The following SLC8A1 variants were observed in gnomAD, a reference collection of about 807,000 sequenced individuals.
SLC8A1 encodes solute carrier family 8 member A1.
In SLC8A1, 18 loss-of-function variants were observed where a neutral mutation model predicts 68.3. The ratio of observed to expected loss-of-function variants is 0.26; its 90% confidence interval spans 0.18 to 0.39. The LOEUF (loss-of-function observed/expected upper bound fraction) is 0.39, where lower values mean the gene tolerates loss of function less well. Among genes scored for constraint, SLC8A1 ranks in the 10% least tolerant of loss-of-function variants. SLC8A1 has a pLI of 1.00. For missense variants in SLC8A1, 985 were observed against 1,156.7 expected, an observed-to-expected ratio of 0.85 and a Z score of 2.15; for synonymous variants, 475 against 415.5, an observed-to-expected ratio of 1.14 and a Z score of -1.74.
At chr2:40,175,374 A>G in intron 3 of SLC8A1, 93 bp from the exon 4 acceptor site, 1 of 1,300,234 alleles carries the variant, frequency 7.7e-7, no homozygotes, top group Non-Finnish European at 1.1e-6. Flanking sequence ...ATCCAGGCAG[A>G]TCTGATTACA....
rs566014598 is a variant in SLC8A1, at chr2:40,165,437, G to A, written c.1931-453C>T. Among the ~76,000 whole-genome samples the A allele has an allele frequency of 2.0e-5, 3 of 152,248 alleles. No individual in the cohort carries two copies. In the East Asian group the frequency reaches 5.8e-4, roughly 30 times the overall value. On this transcript the variant is annotated intron_variant, in intron 4 of 7. Coordinates refer to ENST00000406785, the Ensembl canonical transcript of SLC8A1. ...CTGGCCTCTTCCTCTTCACTTTCTA[G>A]GGGCAACAGAAAATGCCTGAGGCCC...
chr2:40,255,713 C>T (rs1291407771), intron 2 of SLC8A1, among the ~76,000 whole-genome samples: 1 of 152,184 alleles, frequency 6.6e-6, no homozygotes, highest in Non-Finnish European at 1.5e-5. Flanking sequence ...AGGGTATCTC[C>T]TCTGCCTTAA....
intron 2 of SLC8A1, chr2:40,251,525 GTAAATCACCTGTAAA>G (rs2062746615): frequency 6.6e-6 from 1 of 152,206 alleles, no homozygotes; most frequent in Non-Finnish European, 1.5e-5. Flanking sequence ...TCACATCTTA[GTAAATCACCTGTAAA>G]TAAAGCTTGT....
intron 2 of SLC8A1, among the ~76,000 whole-genome samples, chr2:40,389,914 T>G (rs951873523): frequency 1.3e-5 from 2 of 151,158 alleles, no homozygotes; most frequent in Non-Finnish European, 2.9e-5. Flanking sequence ...ATAAAATATT[T>G]TCTTCCAATT....
At chr2:40,282,038 C>A in intron 2 of SLC8A1, among the ~76,000 whole-genome samples, 1 of 152,264 alleles carries the variant, frequency 6.6e-6, no homozygotes, top group South Asian at 2.1e-4. Context: ...CACAGCTCCC[C>A]CACACAAGAG....
intron 1 of SLC8A1, among the ~76,000 whole-genome samples, chr2:40,505,234 T>C (rs1204783619): frequency 6.6e-6 from 1 of 151,836 alleles, no homozygotes; most frequent in East Asian, 1.9e-4. Flanking sequence ...GGCTAATGGG[T>C]ACAAAAATAG....
intron 2 of SLC8A1, among the ~76,000 whole-genome samples, chr2:40,279,768 T>TAAA: frequency 6.6e-6 from 1 of 152,222 alleles, no homozygotes; most frequent in Non-Finnish European, 1.5e-5. Context: ...GAAAAGTTGG[T>TAAA]ACATTCTGTT....
intron 7 of SLC8A1, among the ~76,000 whole-genome samples, chr2:40,136,378 A>G (rs557593840): frequency 3.5e-4 from 53 of 152,342 alleles, no homozygotes; most frequent in African/African-American, 1.2e-3. Flanking sequence ...GCTTTTCCCC[A>G]TACATTTTGA....
intron 2 of SLC8A1, among the ~76,000 whole-genome samples, chr2:40,202,091 G>A (rs1023309712): frequency 6.6e-6 from 1 of 152,014 alleles, no homozygotes; most frequent in Non-Finnish European, 1.5e-5. Context: ...CTTAGAGGAT[G>A]TGTTTCCAAA....
At chr2:40,446,987 C>T (rs774090646) in intron 1 of SLC8A1, among the ~76,000 whole-genome samples, 2 of 152,184 alleles carry the variant, frequency 1.3e-5, no homozygotes, top group Admixed American at 6.5e-5. Context: ...TGAATCACTA[C>T]CTTGTTTGAC....
At chr2:40,391,894 G>A (rs889846614) in intron 2 of SLC8A1, among the ~76,000 whole-genome samples, 3 of 151,958 alleles carry the variant, frequency 2.0e-5, no homozygotes, top group Non-Finnish European at 4.4e-5. Context: ...TACCAATATC[G>A]CCCCACTGAC....
intron 2 of SLC8A1, among the ~76,000 whole-genome samples, chr2:40,216,011 G>GTGTTTT (rs1558792895): frequency 4.2e-5 from 2 of 47,136 alleles, no homozygotes; most frequent in African/African-American, 1.4e-4. Flanking sequence ...CCCAGTGTAT[G>GTGTTTT]CTTTTTTTTT....
intron 2 of SLC8A1, among the ~76,000 whole-genome samples, chr2:40,411,121 A>T (rs1471105191): frequency 6.6e-6 from 1 of 152,102 alleles, no homozygotes; most frequent in African/African-American, 2.4e-5. Flanking sequence ...TAATGCCATT[A>T]GGAACTTTGA....
intron 2 of SLC8A1, among the ~76,000 whole-genome samples, chr2:40,237,590 C>T (rs1365703336): frequency 6.6e-6 from 1 of 152,098 alleles, no homozygotes; most frequent in Non-Finnish European, 1.5e-5. Flanking sequence ...CGTCTGAAGC[C>T]TTCTTCTCTC....
exon 8 of SLC8A1, chr2:40,107,885 T>A (rs545845156): frequency 6.6e-5 from 10 of 152,342 alleles, no homozygotes; most frequent in East Asian, 3.9e-4. Flanking sequence ...AAATATTTTT[T>A]AAAAATTTTT....
chr2:40,321,018 A>G (rs2075120844), intron 2 of SLC8A1, among the ~76,000 whole-genome samples: 1 of 152,252 alleles, frequency 6.6e-6, no homozygotes, highest in East Asian at 1.9e-4. Flanking sequence ...AGCCACAGGG[A>G]AGAGGCTGTA....
At chr2:40,265,916 T>C (rs2065301021) in intron 2 of SLC8A1, among the ~76,000 whole-genome samples, 1 of 152,242 alleles carries the variant, frequency 6.6e-6, no homozygotes, top group East Asian at 1.9e-4. Flanking sequence ...GTAACCACTG[T>C]GAAAACCTTC....
At chr2:40,360,730 A>T (rs1177997226) in intron 2 of SLC8A1, among the ~76,000 whole-genome samples, 2 of 151,862 alleles carry the variant, frequency 1.3e-5, no homozygotes, top group African/African-American at 4.8e-5. Context: ...TCTGCATCAC[A>T]CTCTCAACCC....
chr2:40,302,218 C>T (rs959122606), intron 2 of SLC8A1, among the ~76,000 whole-genome samples: 3 of 152,084 alleles, frequency 2.0e-5, no homozygotes, highest in Non-Finnish European at 2.9e-5. Flanking sequence ...TCTTTTATCC[C>T]TCACTTCCCT....
Sources: allele counts gnomAD v4.1 joint callset (sites outside exome capture counted in the v4.1 genomes callset), GRCh38; gene constraint gnomAD v4.1.1; transcripts MANE v1.5; gene names NCBI Gene and HGNC (gene_info 2026-07-23, HGNC 2026-07-21).